Variants in DTNB observed in about 807,000 individuals in gnomAD.
DTNB encodes the protein dystrobrevin beta, also known as DTN-B.
DTNB carries 63 observed loss-of-function variants against 90.7 expected under a neutral mutation model. The ratio of observed to expected loss-of-function variants is 0.69; its 90% CI spans 0.57 to 0.86. The LOEUF (loss-of-function observed/expected upper bound fraction) is 0.86. Among genes scored for constraint, DTNB ranks in the 40% least tolerant of loss-of-function variants. DTNB has a pLI of 0.00. For synonymous variants in DTNB, 277 were observed against 286.7 expected (o/e 0.97, Z 0.34); for missense variants, 744 against 807.1 (o/e 0.92, Z 0.95).
chr2:25,502,916 T>C (rs1402934050), intron 9 of DTNB, among the ~76,000 whole-genome samples: 1 of 129,786 alleles, frequency 7.7e-6, no homozygotes, highest in African/African-American at 2.9e-5. Context: ...CAGCAGGGTG[T>C]GGTGGCATGA....
At chr2:25,621,588 C>T (rs1295556924) in intron 4 of DTNB, among the ~76,000 whole-genome samples, 1 of 149,014 alleles carries the variant, frequency 6.7e-6, no homozygotes, top group Non-Finnish European at 1.5e-5. Context: ...TACAGGCATG[C>T]ACCACCACCA....
chr2:25,568,063 C>T (rs757969345), intron 8 of DTNB, among the ~76,000 whole-genome samples: 9 of 151,386 alleles, frequency 5.9e-5, no homozygotes, highest in Non-Finnish European at 1.0e-4. Flanking sequence ...GAGGCTGAAG[C>T]AGGAGAATCG....
At chr2:25,530,263 C>T (rs1182280190) in intron 9 of DTNB, among the ~76,000 whole-genome samples, 1 of 151,844 alleles carries the variant, frequency 6.6e-6, no homozygotes, top group African/African-American at 2.4e-5. Flanking sequence ...GGCAAAACAC[C>T]GTCTCTACTA....
chr2:25,594,810 A>C (rs2064255023), intron 6 of DTNB: 2 of 152,238 alleles, frequency 1.3e-5, no homozygotes, highest in Admixed American at 1.3e-4. Context: ...AATTGTTTTA[A>C]AAAACAGGAC....
intron 16 of DTNB, among the ~76,000 whole-genome samples, chr2:25,402,645 G>A (rs959542111): frequency 1.3e-5 from 2 of 152,104 alleles, no homozygotes; most frequent in African/African-American, 4.8e-5. Context: ...TCTCTGCAGA[G>A]GGGTGACACC....
chr2:25,580,217 G>A (rs934740586), intron 7 of DTNB, among the ~76,000 whole-genome samples: 1 of 151,946 alleles, frequency 6.6e-6, no homozygotes, highest in East Asian at 1.9e-4. Context: ...CTGATCACAA[G>A]TGATCCACCC....
rs181710253 is a variant in DTNB, at chr2:25,412,689, T to C, written c.1575+6826A>G. Among the ~76,000 whole-genome samples, 65 of 152,328 alleles carry C rather than the reference T, an allele frequency of 4.3e-4. 1 individual carries two copies. The East Asian group carries it at 8.1e-3, about 19-fold the overall frequency. ...AATGTTGGAGGAAACAAATCCTTCA[T>C]GAATAAACAGAACCCCTTTCCTTGG... On this transcript the variant is annotated intron_variant, in intron 16 of 20. Transcript: ENST00000406818.
At chr2:25,484,229 G>A (rs2065652309) in intron 9 of DTNB, among the ~76,000 whole-genome samples, 1 of 152,182 alleles carries the variant, frequency 6.6e-6, no homozygotes, top group South Asian at 2.1e-4. Flanking sequence ...ATCCCCCATT[G>A]TTAAGTTATG....
intron 9 of DTNB, among the ~76,000 whole-genome samples, chr2:25,496,852 A>C (rs1220398120): frequency 6.6e-6 from 1 of 151,998 alleles, no homozygotes; most frequent in African/African-American, 2.4e-5. Flanking sequence ...CAAAAAAAAA[A>C]AAAAAAAGAT....
At chr2:25,492,081 T>G (rs982555485) in intron 9 of DTNB, among the ~76,000 whole-genome samples, 4 of 152,124 alleles carry the variant, frequency 2.6e-5, no homozygotes, top group Non-Finnish European at 5.9e-5. Context: ...TAAGGATATT[T>G]ACTCTATATA....
chr2:25,420,751 G>C (rs1472656303), intron 15 of DTNB, among the ~76,000 whole-genome samples: 1 of 152,086 alleles, frequency 6.6e-6, no homozygotes, highest in Admixed American at 6.5e-5. Context: ...CCAAAGTGTT[G>C]GGATTACAGG....
chr2:25,594,802 T>C (rs888889837), intron 6 of DTNB: 1 of 152,268 alleles, frequency 6.6e-6, no homozygotes, highest in Non-Finnish European at 1.5e-5. Flanking sequence ...AATAGTTCAA[T>C]TGTTTTAAAA....
intron 4 of DTNB, among the ~76,000 whole-genome samples, chr2:25,612,421 G>C (rs1357211422): frequency 1.3e-5 from 2 of 152,060 alleles, no homozygotes; most frequent in Admixed American, 6.5e-5. Flanking sequence ...CCTAGAGAGA[G>C]GAATGAAATG....
At chr2:25,435,112 C>T (rs1369149311) in intron 12 of DTNB, among the ~76,000 whole-genome samples, 1 of 152,178 alleles carries the variant, frequency 6.6e-6, no homozygotes, top group South Asian at 2.1e-4. Flanking sequence ...CTCTGCCTCC[C>T]GAGTTCAAGC....
intron 16 of DTNB, chr2:25,419,182 T>C (rs2048685220): frequency 4.9e-6 from 2 of 406,980 alleles, no homozygotes; most frequent in Non-Finnish European, 4.5e-6. Context: ...TGAAAGTTGT[T>C]TCAAGCAATT....
chr2:25,559,330 G>GA (rs2057889696), intron 8 of DTNB, among the ~76,000 whole-genome samples: 1 of 152,052 alleles, frequency 6.6e-6, no homozygotes, highest in Non-Finnish European at 1.5e-5. Context: ...GAGGAAACCT[G>GA]GCATTCCCTG....
In DTNB at chr2:25,380,827, C is replaced by T. The variant is rs905164612; in HGVS notation, c.1880-1504G>A. ...GTGGAGTGCAGGTGCAAAGACAGCA[C>T]CTTGGGACCTGGAGGCCCGGGCAAG... On this transcript the variant is annotated intron_variant, in intron 19 of 20. Transcript: ENST00000406818. 3.5e-5 allele frequency among the ~76,000 whole-genome samples: 5 copies of T among 144,322 alleles called. 1 individual carries two copies. In the East Asian group the frequency reaches 9.0e-4, roughly 26 times the overall value. The allele number at this position is 144,322 out of a possible 152,430, so 94.7% of individuals were successfully genotyped here. A position where few individuals can be genotyped will look rare whatever the true frequency, so the allele number is the denominator to read the frequency against.
intron 6 of DTNB, among the ~76,000 whole-genome samples, chr2:25,587,259 T>G (rs1291212117): frequency 1.3e-5 from 2 of 152,192 alleles, no homozygotes; most frequent in Non-Finnish European, 2.9e-5. Flanking sequence ...AAATGATGAT[T>G]TAAACTCAAA....
intron 9 of DTNB, among the ~76,000 whole-genome samples, chr2:25,500,208 T>G (rs1338691933): frequency 6.6e-6 from 1 of 152,164 alleles, no homozygotes; most frequent in Non-Finnish European, 1.5e-5. Flanking sequence ...GCCATCTACT[T>G]ACCATTCTAA....
Sources: gnomAD v4.1 joint callset for allele counts (sites outside exome capture counted in the v4.1 genomes callset) on GRCh38, gnomAD v4.1.1 for gene constraint, MANE v1.5 for transcripts, NCBI Gene and HGNC (gene_info 2026-07-23, HGNC 2026-07-21) for gene names.